SLC35D4: variants seen among roughly 807,000 people sequenced by gnomAD.
SLC35D4 encodes solute carrier family 35 member D4.
the SLC35D4 span, among the ~76,000 whole-genome samples, chr18:23,324,589 C>T: frequency 6.6e-6 from 1 of 152,178 alleles, no homozygotes; most frequent in Non-Finnish European, 1.5e-5. Flanking sequence ...TCGCAACACC[C>T]CACGCTGGGT....
At chr18:23,326,744 T>C in the SLC35D4 span, among the ~76,000 whole-genome samples, 4 of 152,302 alleles carry the variant, frequency 2.6e-5, no homozygotes, top group Middle Eastern at 6.8e-3. Context: ...ATCAACAGAA[T>C]ACACATTCTT....
the SLC35D4 span, among the ~76,000 whole-genome samples, chr18:23,274,255 A>C: frequency 6.6e-6 from 1 of 152,190 alleles, no homozygotes; most frequent in Non-Finnish European, 1.5e-5. Context: ...CATTGTAAAA[A>C]TGGGAGAGCT....
At chr18:23,383,015 G>T in the SLC35D4 span, among the ~76,000 whole-genome samples, 1 of 152,178 alleles carries the variant, frequency 6.6e-6, no homozygotes, top group African/African-American at 2.4e-5. Context: ...GGAGTCCAAG[G>T]GGCCTCCAGG....
the SLC35D4 span, among the ~76,000 whole-genome samples, chr18:23,278,877 G>T: frequency 6.6e-6 from 1 of 151,946 alleles, no homozygotes; most frequent in African/African-American, 2.4e-5. Flanking sequence ...AGCCGGGTGT[G>T]GTGGGGCTCA....
At chr18:23,305,605 T>C in the SLC35D4 span, among the ~76,000 whole-genome samples, 1 of 152,156 alleles carries the variant, frequency 6.6e-6, no homozygotes, top group Non-Finnish European at 1.5e-5. Flanking sequence ...CAATAAATGG[T>C]TATTATTATT....
the SLC35D4 span, chr18:23,437,695 CA>C: frequency 7.2e-7 from 1 of 1,393,574 alleles, no homozygotes; most frequent in South Asian, 1.2e-5. Flanking sequence ...AGGTAAAAAG[CA>C]GGAGGAGGCT....
At chr18:23,275,647 CTGTGCTGTGCTTTG>C in the SLC35D4 span, among the ~76,000 whole-genome samples, 1 of 122,394 alleles carries the variant, frequency 8.2e-6, no homozygotes, top group African/African-American at 3.1e-5. Context: ...CTGTGCTGTG[CTGTGCTGTGCTTTG>C]TTTGGGGACT....
chr18:23,376,627 G>A, the SLC35D4 span, among the ~76,000 whole-genome samples: 1 of 152,330 alleles, frequency 6.6e-6, no homozygotes, highest in East Asian at 1.9e-4. Context: ...TGGGAGGAGA[G>A]GAGAATCCTG....
chr18:23,269,935 T>A, the SLC35D4 span, among the ~76,000 whole-genome samples: 1 of 152,156 alleles, frequency 6.6e-6, no homozygotes, highest in South Asian at 2.1e-4. Context: ...AGCCTGACGA[T>A]GTGATAGAAA....
At chr18:23,302,104 C>T in the SLC35D4 span, among the ~76,000 whole-genome samples, 10 of 152,210 alleles carry the variant, frequency 6.6e-5, no homozygotes, top group Non-Finnish European at 1.2e-4. Context: ...GAAACACACC[C>T]TTTCTCCTAG....
At chr18:23,418,894 G>A in the SLC35D4 span, among the ~76,000 whole-genome samples, 1 of 151,858 alleles carries the variant, frequency 6.6e-6, no homozygotes, top group Non-Finnish European at 1.5e-5. Context: ...TGTAGTCCCA[G>A]CTACTCGGGA....
chr18:23,392,910 A>G, the SLC35D4 span, among the ~76,000 whole-genome samples: 1 of 151,946 alleles, frequency 6.6e-6, no homozygotes, highest in East Asian at 1.9e-4. Flanking sequence ...AACCTAGGTG[A>G]TTTTTATTTT....
At chr18:23,311,966 C>T in the SLC35D4 span, among the ~76,000 whole-genome samples, 3 of 152,182 alleles carry the variant, frequency 2.0e-5, no homozygotes, top group Admixed American at 6.5e-5. Context: ...AGGCTCCATC[C>T]CACTGATGGA....
chr18:23,315,740 C>T, the SLC35D4 span, among the ~76,000 whole-genome samples: 111 of 152,190 alleles, frequency 7.3e-4, no homozygotes, highest in Non-Finnish European at 1.5e-3. Flanking sequence ...CCTCACAGAG[C>T]GGATCTAAGC....
chr18:23,410,426 C>T, the SLC35D4 span, among the ~76,000 whole-genome samples: 4 of 150,264 alleles, frequency 2.7e-5, no homozygotes, highest in East Asian at 2.0e-4. Flanking sequence ...TGCAGTGAGC[C>T]GAGATCACGC....
chr18:23,260,585 TCTGCCCTG>T, the SLC35D4 span: 1 of 152,630 alleles, frequency 6.6e-6, no homozygotes, highest in Non-Finnish European at 1.5e-5. Context: ...CTGAAGCCTT[TCTGCCCTG>T]CTGCAAGCTT....
the SLC35D4 span, among the ~76,000 whole-genome samples, chr18:23,321,887 T>C: frequency 6.6e-6 from 1 of 152,226 alleles, no homozygotes; most frequent in African/African-American, 2.4e-5. Context: ...CAGAACTTTA[T>C]CAAGGGCACA....
At chr18:23,429,626 T>C in the SLC35D4 span, among the ~76,000 whole-genome samples, 1 of 152,216 alleles carries the variant, frequency 6.6e-6, no homozygotes, top group Non-Finnish European at 1.5e-5. Flanking sequence ...TCCTCCCACC[T>C]TGGCCTCCCA....
At chr18:23,343,363 T>G in the SLC35D4 span, among the ~76,000 whole-genome samples, 1 of 152,146 alleles carries the variant, frequency 6.6e-6, no homozygotes, top group Admixed American at 6.5e-5. Context: ...TGACTCATCC[T>G]CCTGAGTAGC....
Sources: gnomAD v4.1 joint callset for allele counts (sites outside exome capture counted in the v4.1 genomes callset) on GRCh38, gnomAD v4.1.1 for gene constraint, MANE v1.5 for transcripts, NCBI Gene and HGNC (gene_info 2026-07-23, HGNC 2026-07-21) for gene names.